Variants in PHYHD1 observed in about 807,000 individuals in gnomAD.
The protein encoded by PHYHD1 is phytanoyl-CoA dioxygenase domain containing 1, also known as phytanoyl-CoA dioxygenase domain-containing protein 1.
Under a neutral mutation model 43.6 loss-of-function variants are expected in PHYHD1, and 42 were observed. That is an observed-to-expected ratio of 0.96 (90% CI 0.75 to 1.25). The LOEUF is 1.25. Among genes scored for constraint, PHYHD1 ranks in the 50% most tolerant of loss-of-function variants. The pLI is 0.00. For missense variants in PHYHD1, 342 were observed against 370.8 expected (o/e 0.92, Z 0.64); for synonymous variants, 139 against 143.6 (o/e 0.97, Z 0.23).
At chr9:128,926,547 T>C (rs1841138360) in intron 3 of PHYHD1, among the ~76,000 whole-genome samples, 1 of 148,972 alleles carries the variant, frequency 6.7e-6, no homozygotes, top group Non-Finnish European at 1.5e-5. Context: ...GCTTCCTTTT[T>C]CTTTTTCTTT....
intron 3 of PHYHD1, among the ~76,000 whole-genome samples, chr9:128,926,666 C>G (rs1017004103): frequency 2.7e-5 from 4 of 147,110 alleles, no homozygotes; most frequent in African/African-American, 1.0e-4. Flanking sequence ...TCAAGTGATT[C>G]TCCTGCCTCA....
chr9:128,932,401 C>T (rs574144733), intron 4 of PHYHD1, among the ~76,000 whole-genome samples: 4 of 151,450 alleles, frequency 2.6e-5, no homozygotes, highest in Admixed American at 2.6e-4. Context: ...GAATTTCGCT[C>T]TTGTTGCCCA....
At position 128,941,581 on chromosome 9, in the gene PHYHD1, A is replaced by T; in HGVS notation, c.830+10A>T. 6.2e-7 allele frequency: 1 copy of T among 1,614,152 alleles called. No individual in the cohort carries two copies. The highest frequency in any genetic ancestry group is 2.2e-5 in the East Asian group (1 of 44,876). Reference sequence around the variant, plus strand: ...GGAGCCCGGAGAACTGGTAGGTGACAGGGTGGGTGTGTGTGCCCGACAGTC... The same window carrying T: ...GGAGCCCGGAGAACTGGTAGGTGACTGGGTGGGTGTGTGTGCCCGACAGTC... On this transcript the variant is annotated intron_variant, in intron 12 of 12. Coordinates refer to ENST00000372592, the MANE Select transcript of PHYHD1 (RefSeq NM_001100876.2).
At chr9:128,933,194 G>A (rs1336041862) in intron 4 of PHYHD1, among the ~76,000 whole-genome samples, 33 of 122,100 alleles carry the variant, frequency 2.7e-4, no homozygotes, top group Admixed American at 1.5e-3. Flanking sequence ...TCACTCTGTC[G>A]CCCAGGCTGG....
In PHYHD1 at chr9:128,934,083, G is replaced by T. The variant is rs563478394; in HGVS notation, c.316+25G>T. On this transcript the variant is annotated intron_variant, in intron 6 of 12. Transcript: ENST00000372592. ...GGTGAGCAGGGGCTTGGGGGTACAG[G>T]AAAGAAGATCGGGGAACAGGCTGGG... is the stretch of plus-strand genomic sequence containing the variant. The T allele has an allele frequency of 9.3e-6, 15 of 1,609,582 alleles. No individual in the cohort carries two copies. In the Admixed American group the frequency reaches 2.3e-4, roughly 25 times the overall value.
rs764543706 is a variant in PHYHD1, at chr9:128,933,877, G to C, written c.268+20G>C. The C allele has an allele frequency of 1.4e-5, 22 of 1,612,254 alleles. No individual in the cohort carries two copies. In the East Asian group the frequency reaches 4.9e-4, roughly 36 times the overall value. On this transcript the variant is annotated intron_variant, in intron 5 of 12. Transcript: ENST00000372592. The stretch of plus-strand genomic sequence containing the variant: ...AGAAAGGTTTGGAGCTGGGGCCCTA[G>C]AGCTGGGGAGGAGCCATGGTGAGGG...
chr9:128,922,189 C>A, intron 2 of PHYHD1, 94 bp from the exon 3 acceptor site: 1 of 1,008,112 alleles, frequency 9.9e-7, no homozygotes, highest in Non-Finnish European at 1.5e-6. Context: ...CTGGCTGTGT[C>A]TAGGGAAGGA....
chr9:128,928,690 A>G (rs934633030), intron 4 of PHYHD1, among the ~76,000 whole-genome samples: 1 of 151,980 alleles, frequency 6.6e-6, no homozygotes, highest in African/African-American at 2.4e-5. Flanking sequence ...GCAACAGAGC[A>G]AGAATCCTGT....
In PHYHD1 at chr9:128,926,299, C is replaced by T. The variant is rs1001839018; in HGVS notation, c.34-739C>T. ...AGGCTGGAATGCAATGGCATGATCT[C>T]GGCTCACTGCAACCTCCACCTCCTG... On this transcript the variant is annotated intron_variant, in intron 3 of 12. Coordinates refer to ENST00000372592, the MANE Select transcript of PHYHD1 (RefSeq NM_001100876.2). Among the ~76,000 whole-genome samples, 6 of 152,262 alleles carry T rather than the reference C, an allele frequency of 3.9e-5. No homozygotes were observed. The South Asian group carries it at 6.2e-4, about 16-fold the overall frequency.
chr9:128,933,787 C>T lies in PHYHD1; in HGVS notation c.198C>T (p.Ser66=). The change falls in exon 5 of 13, where the codon AGC becomes AGT. Residue 66 remains serine (S), a synonymous_variant. Transcript: ENST00000372592. ...CTGATGTCCCCTTTCCACAGGGCAG[C>T]ACAGACTATTTCTTGAGCAGTGGTG... The part of the protein sequence containing the change: ...QEEEQLRAQG[S]TDYFLSSGDK... The T allele has an allele frequency of 6.2e-7, 1 of 1,614,094 alleles. No homozygotes were observed. The highest frequency in any genetic ancestry group is 8.5e-7 in the Non-Finnish European group (1 of 1,179,946).
In PHYHD1 at chr9:128,936,665, C is replaced by A. The variant is rs548252961; in HGVS notation, c.435+20C>A. On this transcript the variant is annotated intron_variant, in intron 8 of 12. Coordinates refer to ENST00000372592, the MANE Select transcript of PHYHD1 (RefSeq NM_001100876.2). ...TTTAAGGTGAGCTCCTTGTCCTTGC[C>A]TCAGTTTACCATCTGTAAAATGGGC... The A allele has an allele frequency of 1.4e-4, 216 of 1,551,200 alleles. No homozygotes were observed. In the South Asian group the frequency reaches 2.2e-3, roughly 16 times the overall value.
chr9:128,928,985 A>T (rs1022843553), intron 4 of PHYHD1, among the ~76,000 whole-genome samples: 6 of 152,126 alleles, frequency 3.9e-5, no homozygotes, highest in African/African-American at 1.4e-4. Context: ...TGTTCCAATC[A>T]CGTTACCATG....
intron 3 of PHYHD1, among the ~76,000 whole-genome samples, chr9:128,924,912 G>C (rs1841096334): frequency 6.6e-6 from 1 of 152,138 alleles, no homozygotes; most frequent in African/African-American, 2.4e-5. Context: ...TCCAGCCTGG[G>C]CAACAAGAGT....
intron 6 of PHYHD1, among the ~76,000 whole-genome samples, chr9:128,935,729 C>A (rs1044663035): frequency 3.3e-5 from 5 of 151,986 alleles, no homozygotes; most frequent in South Asian, 2.1e-4. Context: ...TGGTGAAAAA[C>A]CATTTCTACT....
intron 6 of PHYHD1, among the ~76,000 whole-genome samples, chr9:128,934,721 T>G (rs1231886624): frequency 6.6e-6 from 1 of 150,792 alleles, no homozygotes; most frequent in Non-Finnish European, 1.5e-5. Flanking sequence ...TGAGCCGATA[T>G]CATGCCATTG....
At chr9:128,926,240 C>CT (rs1167702778) in intron 3 of PHYHD1, among the ~76,000 whole-genome samples, 1 of 152,104 alleles carries the variant, frequency 6.6e-6, no homozygotes, top group South Asian at 2.1e-4. Flanking sequence ...TTTTTCTTTT[C>CT]TTTTTTTGAG....
At chr9:128,934,506 C>T (rs1380388690) in intron 6 of PHYHD1, among the ~76,000 whole-genome samples, 5 of 151,738 alleles carry the variant, frequency 3.3e-5, no homozygotes, top group Admixed American at 3.3e-4. Flanking sequence ...TGGTCGTTCA[C>T]GTCTGTAATC....
In PHYHD1 at chr9:128,922,310, C is replaced by T; in HGVS notation, c.-14C>T. ...GGCCGCGCTTAGAAGCCGCCCAGTG[C>T]CCTGAGCGTCTCCATGGCCTGCCTG... is the stretch of plus-strand genomic sequence containing the variant. On this transcript the variant is annotated 5_prime_UTR_variant, in exon 3 of 13. Coordinates refer to ENST00000372592, the MANE Select transcript of PHYHD1 (RefSeq NM_001100876.2). The T allele has an allele frequency of 7.7e-6, 12 of 1,551,354 alleles. No individual in the cohort carries two copies. The highest frequency in any genetic ancestry group is 1.0e-5 in the Non-Finnish European group (12 of 1,147,292).
intron 9 of PHYHD1, 91 bp downstream of exon 9, chr9:128,937,869 C>T: frequency 6.2e-7 from 1 of 1,600,918 alleles, no homozygotes; most frequent in Non-Finnish European, 8.5e-7. Context: ...AGGGAAAGCG[C>T]TTGCTCCTGT....
Sources: gnomAD v4.1 joint callset for allele counts (sites outside exome capture counted in the v4.1 genomes callset) on GRCh38, gnomAD v4.1.1 for gene constraint, MANE v1.5 for transcripts, NCBI Gene and HGNC (gene_info 2026-07-23, HGNC 2026-07-21) for gene names.